SPECC1: variants seen among roughly 807,000 people sequenced by gnomAD.
SPECC1 encodes the protein sperm antigen with calponin homology and coiled-coil domains 1.
In SPECC1, 62 loss-of-function variants were observed where a neutral mutation model predicts 104.1. The ratio of observed to expected loss-of-function variants is 0.60; its 90% CI spans 0.49 to 0.74. SPECC1 has a LOEUF of 0.74. Ranked by LOEUF, SPECC1 falls within the 30% of genes least tolerant of loss-of-function variation. The pLI is 0.00. For synonymous variants in SPECC1, 513 were observed against 501.6 expected, an observed-to-expected ratio of 1.02 and a Z score of -0.30; for missense variants, 1,306 against 1,310.5, an observed-to-expected ratio of 1.00 and a Z score of 0.05.
chr17:20,293,353 CCTT>C (rs531378467), intron 12 of SPECC1, among the ~76,000 whole-genome samples: 162 of 152,288 alleles, frequency 1.1e-3, no homozygotes, highest in African/African-American at 3.7e-3. Context: ...CATCAAACCT[CCTT>C]CTCTTATTCC....
At position 20,114,716 on chromosome 17, in the gene SPECC1, A is replaced by AG. The variant is rs556432308; in HGVS notation, c.283+4155dup. Among the ~76,000 whole-genome samples the AG allele has an allele frequency of 2.4e-3, 364 of 152,238 alleles. 1 individual carries two copies. Among genetic ancestry groups the AG allele is most frequent in the African/African-American group, 8.5e-3 (352 of 41,526 alleles). ...GAAAACCACTTTTGTCTCCTTTGGG[A>AG]GAATGACTCATCTTTAGTATTTATG... is the stretch of plus-strand genomic sequence containing the variant. On this transcript the variant is annotated intron_variant, in intron 3 of 14. Transcript: ENST00000395527.
intron 3 of SPECC1, chr17:20,185,112 G>A (rs990599555): frequency 1.3e-5 from 2 of 152,252 alleles, no homozygotes; most frequent in Non-Finnish European, 2.9e-5. Context: ...AGAGACACTT[G>A]AATGAATGGG....
At chr17:20,283,382 C>T (rs1310532751) in intron 12 of SPECC1, among the ~76,000 whole-genome samples, 1 of 152,154 alleles carries the variant, frequency 6.6e-6, no homozygotes, top group African/African-American at 2.4e-5. Flanking sequence ...GTAGAGCAAA[C>T]CACCCCGAAA....
chr17:20,015,301 T>TA (rs985036090), intron 1 of SPECC1, among the ~76,000 whole-genome samples: 14 of 151,588 alleles, frequency 9.2e-5, no homozygotes, highest in African/African-American at 3.1e-4. Flanking sequence ...TAATTTAATT[T>TA]TTTTTTTTTT....
At chr17:20,275,786 C>T (rs1311138480) in intron 12 of SPECC1, among the ~76,000 whole-genome samples, 4 of 152,172 alleles carry the variant, frequency 2.6e-5, no homozygotes, top group Non-Finnish European at 5.9e-5. Context: ...TCCCAGTTAC[C>T]TCAGTGGGAG....
At chr17:20,046,127 T>G (rs2045530886) in intron 1 of SPECC1, among the ~76,000 whole-genome samples, 1 of 152,114 alleles carries the variant, frequency 6.6e-6, no homozygotes, top group African/African-American at 2.4e-5. Flanking sequence ...TTTAATTTTT[T>G]TAGAGACAGT....
At chr17:20,029,144 G>A (rs1182508228) in intron 1 of SPECC1, among the ~76,000 whole-genome samples, 3 of 152,044 alleles carry the variant, frequency 2.0e-5, no homozygotes, top group Non-Finnish European at 4.4e-5. Flanking sequence ...TTTGATCCAT[G>A]AACATGGGAT....
intron 12 of SPECC1, among the ~76,000 whole-genome samples, chr17:20,287,657 T>C (rs1177666727): frequency 6.6e-6 from 1 of 151,990 alleles, no homozygotes; most frequent in Non-Finnish European, 1.5e-5. Flanking sequence ...ACTTTTGTTG[T>C]AAGCACAGCA....
intron 1 of SPECC1, among the ~76,000 whole-genome samples, chr17:20,036,462 TTG>T (rs1176637013): frequency 2.0e-5 from 3 of 152,190 alleles, no homozygotes; most frequent in Admixed American, 6.5e-5. Context: ...ACAGATAAAA[TTG>T]TGTGTATTTA....
chr17:20,084,992 C>T (rs924685727), intron 1 of SPECC1, among the ~76,000 whole-genome samples: 15 of 152,300 alleles, frequency 9.8e-5, no homozygotes, highest in East Asian at 1.9e-4. Context: ...TGTGCCCAGA[C>T]AAGGGGCTGT....
intron 3 of SPECC1, among the ~76,000 whole-genome samples, chr17:20,189,507 C>T (rs1567918505): frequency 6.6e-6 from 1 of 152,178 alleles, no homozygotes; most frequent in African/African-American, 2.4e-5. Context: ...CTAATGGCAG[C>T]TGGTTGTGTG....
intron 1 of SPECC1, among the ~76,000 whole-genome samples, chr17:20,023,243 T>G (rs1356166188): frequency 6.6e-6 from 1 of 152,234 alleles, no homozygotes; most frequent in African/African-American, 2.4e-5. Context: ...GGTCTGGATT[T>G]GGGCTGCAGA....
At position 20,204,470 on chromosome 17, in the gene SPECC1, C is replaced by G; in HGVS notation, c.421C>G (p.Pro141Ala). 6.2e-7 allele frequency: 1 copy of G among 1,614,100 alleles called. No homozygotes were observed. Among genetic ancestry groups the G allele is most frequent in the Middle Eastern group, 1.6e-4 (1 of 6,062 alleles). ...GTCCAGTCCAACTTCTTCCAACACT[C>G]CCACTCCTACGAAACACCTGAGGAC... is the stretch of plus-strand genomic sequence containing the variant. Reference protein sequence around the residue: ...SVSSPTSSNTPTPTKHLRTPS... With the variant: ...SVSSPTSSNTATPTKHLRTPS... The change falls in exon 4 of 15, where the codon CCC becomes GCC. Residue 141 changes from proline (P) to alanine (A), a missense_variant. Coordinates refer to ENST00000395527, the MANE Select transcript of SPECC1 (RefSeq NM_001243439.2).
chr17:20,193,326 CTTAACTGGGAA>C (rs1317207372), intron 3 of SPECC1, among the ~76,000 whole-genome samples: 14 of 152,192 alleles, frequency 9.2e-5, no homozygotes, highest in Non-Finnish European at 1.6e-4. Context: ...CTTAGAATGC[CTTAACTGGGAA>C]TACAGCCCAG....
Position 20,189,337 on chromosome 17 carries a change from A to G in SPECC1, c.284-14996A>G, listed in dbSNP as rs1220616411. The stretch of plus-strand genomic sequence containing the variant: ...GGCCTACACAATGGGCAAGGAAGCT[A>G]AGGCGCAGTATGCAGAGAGAATTCT... On this transcript the variant is annotated intron_variant, in intron 3 of 14. Transcript: ENST00000395527. Among the ~76,000 whole-genome samples the G allele has an allele frequency of 2.6e-5, 4 of 152,170 alleles. No homozygotes were observed. In the South Asian group the frequency reaches 8.3e-4, roughly 32 times the overall value.
intron 3 of SPECC1, among the ~76,000 whole-genome samples, chr17:20,144,175 CTTTTTTTTTTTTTTTT>C (rs1168474738): frequency 5.3e-5 from 5 of 94,408 alleles, no homozygotes; most frequent in Admixed American, 3.5e-4. Flanking sequence ...TTTTTCTTTT[CTTTTTTTTTTTTTTTT>C]TTTTTTTTTT....
chr17:20,120,702 A>T (rs2048985074), intron 3 of SPECC1, among the ~76,000 whole-genome samples: 1 of 152,146 alleles, frequency 6.6e-6, no homozygotes, highest in Non-Finnish European at 1.5e-5. Flanking sequence ...TTTTATTTCA[A>T]TTGTATTAAT....
At chr17:20,218,384 T>G (rs1674166353) in intron 4 of SPECC1, among the ~76,000 whole-genome samples, 1 of 152,186 alleles carries the variant, frequency 6.6e-6, no homozygotes, top group African/African-American at 2.4e-5. Flanking sequence ...CCTGGCGGTC[T>G]GGCTCCAGAA....
rs1329139883 is a variant in SPECC1, at chr17:20,112,124, C to T, written c.283+1562C>T. 6 of 763,710 alleles carry T rather than the reference C, an allele frequency of 7.9e-6. No homozygotes were observed. The Admixed American group carries it at 1.0e-4, about 13-fold the overall frequency. 47.3% of individuals were successfully genotyped at this position (763,710 alleles called of 1,614,324 possible). A position where few individuals can be genotyped will look rare whatever the true frequency, so the allele number is the denominator to read the frequency against. The stretch of plus-strand genomic sequence containing the variant: ...TAAATGCTGGAGGGGCGGTACTTTA[C>T]AACCACACAGAGCACTTTAGTGAAT... On this transcript the variant is annotated intron_variant, in intron 3 of 14. Coordinates refer to ENST00000395527, the MANE Select transcript of SPECC1 (RefSeq NM_001243439.2).
Sources: gnomAD v4.1 joint callset for allele counts (sites outside exome capture counted in the v4.1 genomes callset) on GRCh38, gnomAD v4.1.1 for gene constraint, MANE v1.5 for transcripts, NCBI Gene and HGNC (gene_info 2026-07-23, HGNC 2026-07-21) for gene names.